The following AASDHPPT variants were observed in gnomAD, a reference collection of about 807,000 sequenced individuals.
AASDHPPT encodes L-aminoadipate-semialdehyde dehydrogenase-phosphopantetheinyl transferase.
In AASDHPPT, 23 loss-of-function variants were observed where a neutral mutation model predicts 36.4. The ratio of observed to expected loss-of-function variants is 0.63; its 90% CI spans 0.45 to 0.89. The LOEUF is 0.89. Among genes scored for constraint, AASDHPPT ranks in the 40% least tolerant of loss-of-function variants. The pLI is 0.00. For synonymous variants in AASDHPPT, 115 were observed against 128.0 expected (o/e 0.90, Z 0.68); for missense variants, 377 against 378.2 (o/e 1.00, Z 0.03).
chr11:106,094,338 G>A (rs1861290434), intron 4 of AASDHPPT: 2 of 317,284 alleles, frequency 6.3e-6, no homozygotes, highest in African/African-American at 4.3e-5. Context: ...AACTGCTGTG[G>A]TTATGTAAGA....
intron 1 of AASDHPPT, 104 bp from the exon 2 acceptor site, chr11:106,079,363 T>A: frequency 2.0e-6 from 2 of 1,010,954 alleles, no homozygotes; most frequent in Non-Finnish European, 2.8e-6. Flanking sequence ...TGAAAAGTTT[T>A]AAAAATGAAA....
intron 2 of AASDHPPT, among the ~76,000 whole-genome samples, chr11:106,083,719 G>A (rs1343730467): frequency 6.6e-6 from 1 of 152,018 alleles, no homozygotes; most frequent in Admixed American, 6.5e-5. Context: ...TGGTAGAATT[G>A]GTTAGTCATG....
intron 2 of AASDHPPT, among the ~76,000 whole-genome samples, chr11:106,085,455 T>C (rs1474280557): frequency 2.0e-5 from 3 of 152,030 alleles, no homozygotes; most frequent in Admixed American, 1.3e-4. Flanking sequence ...AGCAAACTTC[T>C]GAAAGATGGC....
intron 2 of AASDHPPT, among the ~76,000 whole-genome samples, chr11:106,086,883 A>G (rs1242176798): frequency 6.6e-6 from 1 of 152,220 alleles, no homozygotes; most frequent in Non-Finnish European, 1.5e-5. Context: ...CATGTTCCAA[A>G]CCCAGCAGAG....
At position 106,079,621 on chromosome 11, in the gene AASDHPPT, G is replaced by A. The variant is rs750664593; in HGVS notation, c.338G>A (p.Gly113Glu). Residue 113 changes from glycine (G) to glutamate (E), a missense_variant, in exon 2 of 6, where the codon GGA (glycine) becomes GAA (glutamate). By Grantham distance (98) the Gly-to-Glu change is moderately conservative. Coordinates refer to ENST00000278618, the MANE Select transcript of AASDHPPT (RefSeq NM_015423.3). ...PNFNFNISHQGDYAVLAAEPE... is the reference protein window; with the variant it reads ...PNFNFNISHQEDYAVLAAEPE... ...TTCAACTTTAACATCTCTCATCAAGGAGACTATGCAGTGCTTGCTGCTGAA... is the reference window on the plus strand; with the variant it reads ...TTCAACTTTAACATCTCTCATCAAGAAGACTATGCAGTGCTTGCTGCTGAA... 1.2e-6 allele frequency: 2 copies of A among 1,614,198 alleles called. No individual in the cohort carries two copies. The highest frequency in any genetic ancestry group is 2.2e-5 in the South Asian group (2 of 91,080).
At chr11:106,094,681 C>G (rs763849714) in intron 5 of AASDHPPT, 27 bp downstream of exon 5, 3 of 1,540,168 alleles carry the variant, frequency 1.9e-6, no homozygotes, top group Non-Finnish European at 2.7e-6. Flanking sequence ...TCTCTTTTTT[C>G]TAAATAGCAT....
At chr11:106,091,140 C>G (rs1861252243) in intron 3 of AASDHPPT, among the ~76,000 whole-genome samples, 176 bp from the exon 4 acceptor site, 1 of 151,918 alleles carries the variant, frequency 6.6e-6, no homozygotes, top group African/African-American at 2.4e-5. Flanking sequence ...AATGATTTGC[C>G]CTAAGATCAT....
Position 106,091,353 on chromosome 11 carries a change from G to A in AASDHPPT, c.569G>A (p.Gly190Glu), listed in dbSNP as rs1238570169. ...KESFIKAIGV[G>E]LGFELQRLEF... is the part of the protein sequence containing the mutation. ...AGCTTCATAAAAGCCATTGGTGTTG[G>A]ACTAGGATTTGAATTGCAGCGGCTT... Residue 190 changes from glycine (G) to glutamate (E), a missense_variant, in exon 4 of 6, where the codon GGA becomes GAA. Transcript: ENST00000278618. 1.2e-6 allele frequency: 2 copies of A among 1,609,658 alleles called. No homozygotes were observed. Among genetic ancestry groups the A allele is most frequent in the African/African-American group, 2.7e-5 (2 of 74,484 alleles).
chr11:106,098,362 T>C lies in AASDHPPT; in HGVS notation c.*1455T>C, dbSNP rs1436550692. 6.6e-6 allele frequency: 1 copy of C among 152,110 alleles called. No homozygotes were observed. The highest frequency in any genetic ancestry group is 1.5e-5 in the Non-Finnish European group (1 of 67,976). The allele number at this position is 152,110 out of a possible 1,614,324, so 9.4% of individuals were successfully genotyped here. A position where few individuals can be genotyped will look rare whatever the true frequency, so the allele number is the denominator to read the frequency against. The stretch of plus-strand genomic sequence containing the variant: ...TATATAAGATGCCAGGACCATCATA[T>C]TGATGACAAAAATCTATTATGTGGT... On this transcript the variant is annotated 3_prime_UTR_variant, in exon 6 of 6. Coordinates refer to ENST00000278618, the MANE Select transcript of AASDHPPT (RefSeq NM_015423.3).
rs745844369 is a variant in AASDHPPT, at chr11:106,077,678, G to T, written c.-33G>T. On this transcript the variant is annotated 5_prime_UTR_variant, in exon 1 of 6. Coordinates refer to ENST00000278618, the MANE Select transcript of AASDHPPT (RefSeq NM_015423.3). Reference sequence around the variant, plus strand: ...GCCACGTTTGCGTCCGCGCCATCAGGCCCGAGATAGCGGCGAGGTCCGCTT... The same window carrying T: ...GCCACGTTTGCGTCCGCGCCATCAGTCCCGAGATAGCGGCGAGGTCCGCTT... 125 of 1,599,730 alleles carry T rather than the reference G, an allele frequency of 7.8e-5. No individual in the cohort carries two copies. Among genetic ancestry groups the T allele is most frequent in the Non-Finnish European group, 1.0e-4 (120 of 1,170,028 alleles).
chr11:106,085,879 T>A (rs1421919835), intron 2 of AASDHPPT: 2 of 152,244 alleles, frequency 1.3e-5, no homozygotes, highest in Non-Finnish European at 2.9e-5. Flanking sequence ...TAGTGGGAAA[T>A]CCACAGTGCT....
At chr11:106,089,993 G>T (rs921030795) in intron 2 of AASDHPPT, among the ~76,000 whole-genome samples, 1 of 151,886 alleles carries the variant, frequency 6.6e-6, no homozygotes, top group Non-Finnish European at 1.5e-5. Flanking sequence ...TTTTGAAGAA[G>T]GTATTAATTT....
chr11:106,090,478 C>G, intron 2 of AASDHPPT, 79 bp from the exon 3 acceptor site: 5 of 1,197,762 alleles, frequency 4.2e-6, no homozygotes, highest in Non-Finnish European at 4.6e-6. Flanking sequence ...GGGGTGCTGT[C>G]TTGAACAGTT....
rs1861257827 is a variant in AASDHPPT at position 106,091,595 on chromosome 11, C to T, written c.693+118C>T. ...GACGCAACTGAATCCAGTCCTGCTG[C>T]TCTGAAAGTGAAATCAGGGCTACTA... On this transcript the variant is annotated intron_variant, in intron 4 of 5. Transcript: ENST00000278618. 1.2e-5 allele frequency: 12 copies of T among 1,002,630 alleles called. No homozygotes were observed. The East Asian group carries it at 3.1e-4, about 26-fold the overall frequency. The allele number at this position is 1,002,630 out of a possible 1,614,324, so 62.1% of individuals were successfully genotyped here.
At chr11:106,096,137 G>A (rs1283293849) in intron 5 of AASDHPPT, among the ~76,000 whole-genome samples, 1 of 152,050 alleles carries the variant, frequency 6.6e-6, no homozygotes, top group African/African-American at 2.4e-5. Context: ...AGTCATATAA[G>A]TACTGGACCT....
At chr11:106,081,224 C>T (rs1054977022) in intron 2 of AASDHPPT, among the ~76,000 whole-genome samples, 2 of 152,188 alleles carry the variant, frequency 1.3e-5, no homozygotes, top group Non-Finnish European at 2.9e-5. Context: ...CCTTACCTTG[C>T]ATTTTCCTAC....
In AASDHPPT at chr11:106,088,148, C is replaced by T. The variant is rs147929753; in HGVS notation, c.410-2409C>T. The stretch of plus-strand genomic sequence containing the variant: ...AAAGTATATGAAAACGCACTCGTAT[C>T]GGATATTTTTTGGCTGTACATAATG... On this transcript the variant is annotated intron_variant, in intron 2 of 5. Transcript: ENST00000278618. Among the ~76,000 whole-genome samples, 925 of 152,080 alleles carry T rather than the reference C, an allele frequency of 6.1e-3. 9 individuals carry two copies. Among genetic ancestry groups the T allele is most frequent in the African/African-American group, 0.02 (818 of 41,476 alleles).
At chr11:106,086,003 A>C (rs1391740021) in intron 2 of AASDHPPT, 1 of 152,226 alleles carries the variant, frequency 6.6e-6, no homozygotes, top group Non-Finnish European at 1.5e-5. Context: ...CTAAGAAGTG[A>C]TGGACCAGCA....
chr11:106,080,864 T>C (rs1416409624), intron 2 of AASDHPPT, among the ~76,000 whole-genome samples: 1 of 152,208 alleles, frequency 6.6e-6, no homozygotes, highest in East Asian at 1.9e-4. Context: ...AGAACTCCTA[T>C]TTACTTGTTA....
Sources: allele counts gnomAD v4.1 joint callset (sites outside exome capture counted in the v4.1 genomes callset), GRCh38; gene constraint gnomAD v4.1.1; transcripts MANE v1.5; gene names NCBI Gene and HGNC (gene_info 2026-07-23, HGNC 2026-07-21).